GNAQ: variants seen among roughly 807,000 people sequenced by gnomAD.
GNAQ encodes the protein guanine nucleotide-binding protein G(q) subunit alpha.
A neutral mutation model predicts 43.9 loss-of-function variants in GNAQ; 8 were observed. The observed-to-expected ratio is 0.18, with a 90% CI of 0.11 to 0.33. The LOEUF is 0.33. Ranked by LOEUF, GNAQ falls within the 10% of genes least tolerant of loss-of-function variation. The pLI is 1.00. For synonymous variants in GNAQ, 155 were observed against 170.7 expected (o/e 0.91, Z 0.71); for missense variants, 158 against 450.8 (o/e 0.35, Z 5.88).
intron 3 of GNAQ, among the ~76,000 whole-genome samples, chr9:77,801,974 C>G (rs1173298020): frequency 6.6e-6 from 1 of 152,084 alleles, no homozygotes; most frequent in Non-Finnish European, 1.5e-5. Context: ...TGAGACCAGC[C>G]TGGACAACAT....
intron 2 of GNAQ, among the ~76,000 whole-genome samples, chr9:77,906,282 C>G (rs192704538): frequency 6.6e-6 from 1 of 152,004 alleles, no homozygotes; most frequent in East Asian, 1.9e-4. Flanking sequence ...CATCAGTATT[C>G]AAAAATGTAG....
intron 2 of GNAQ, among the ~76,000 whole-genome samples, chr9:77,819,567 T>C (rs192963197): frequency 6.6e-6 from 1 of 152,240 alleles, no homozygotes; most frequent in East Asian, 1.9e-4. Flanking sequence ...TGGAAGCTCT[T>C]AGACACAAAT....
intron 2 of GNAQ, among the ~76,000 whole-genome samples, chr9:77,908,038 T>C (rs1166458008): frequency 1.3e-5 from 2 of 152,170 alleles, no homozygotes; most frequent in African/African-American, 2.4e-5. Context: ...GGGGCAGGTA[T>C]TTTAAACATT....
chr9:77,954,270 C>G (rs566881786), intron 1 of GNAQ, among the ~76,000 whole-genome samples: 1 of 152,296 alleles, frequency 6.6e-6, no homozygotes, highest in South Asian at 2.1e-4. Context: ...CTAATTTGTT[C>G]AGCTCAACCA....
At chr9:77,765,348 C>A (rs1814044332) in intron 5 of GNAQ, among the ~76,000 whole-genome samples, 1 of 152,084 alleles carries the variant, frequency 6.6e-6, no homozygotes, top group Non-Finnish European at 1.5e-5. Flanking sequence ...AATAAAATAT[C>A]TGAAAGTTAC....
At chr9:77,860,617 G>A (rs143305614) in intron 2 of GNAQ, among the ~76,000 whole-genome samples, 27 of 152,240 alleles carry the variant, frequency 1.8e-4, no homozygotes, top group African/African-American at 5.5e-4. Flanking sequence ...ATCTGATGCC[G>A]CCACTGATCT....
intron 5 of GNAQ, among the ~76,000 whole-genome samples, chr9:77,762,699 G>C (rs1357833866): frequency 6.6e-6 from 1 of 151,992 alleles, no homozygotes; most frequent in Non-Finnish European, 1.5e-5. Context: ...GATGGTTGCC[G>C]TGTCTGTGTG....
At chr9:78,003,659 A>G (rs773341382) in intron 1 of GNAQ, among the ~76,000 whole-genome samples, 2 of 152,062 alleles carry the variant, frequency 1.3e-5, no homozygotes, top group Non-Finnish European at 2.9e-5. Context: ...TACTAAAAAT[A>G]CAAAAAATAA....
chr9:78,015,506 T>C (rs1382943350), intron 1 of GNAQ, among the ~76,000 whole-genome samples: 1 of 152,164 alleles, frequency 6.6e-6, no homozygotes, highest in Non-Finnish European at 1.5e-5. Flanking sequence ...ACACACAATA[T>C]AAGGAAGCAG....
Position 77,992,032 on chromosome 9 carries a change from T to C in GNAQ, c.136+39068A>G, listed in dbSNP as rs141154473. On this transcript the variant is annotated intron_variant, in intron 1 of 6. Coordinates refer to ENST00000286548, the MANE Select transcript of GNAQ (RefSeq NM_002072.5). ...CAAATTGTGCAGCTATAAGCATGCATGTACATGCATCTTTTTCATACAGTG... is the reference window on the plus strand; with the variant it reads ...CAAATTGTGCAGCTATAAGCATGCACGTACATGCATCTTTTTCATACAGTG... 4.0e-3 allele frequency among the ~76,000 whole-genome samples: 604 copies of C among 152,360 alleles called. 3 individuals are homozygous for C. The highest frequency in any genetic ancestry group is 7.2e-3 in the Non-Finnish European group (488 of 68,042).
chr9:77,926,227 T>A (rs1196519046), intron 1 of GNAQ, among the ~76,000 whole-genome samples: 1 of 152,212 alleles, frequency 6.6e-6, no homozygotes, highest in Non-Finnish European at 1.5e-5. Flanking sequence ...CTCCTATTTT[T>A]ATAGAATTAT....
intron 1 of GNAQ, among the ~76,000 whole-genome samples, chr9:77,984,799 A>C (rs1221162730): frequency 6.6e-6 from 1 of 151,952 alleles, no homozygotes; most frequent in Non-Finnish European, 1.5e-5. Flanking sequence ...AGAGAGAGAA[A>C]CTCCCTGATT....
chr9:77,730,771 A>T (rs1410746184), intron 5 of GNAQ, among the ~76,000 whole-genome samples: 1 of 152,204 alleles, frequency 6.6e-6, no homozygotes, highest in Non-Finnish European at 1.5e-5. Flanking sequence ...TAGTTCTCAT[A>T]GCCAGTGATA....
chr9:77,993,322 G>A (rs1358665860), intron 1 of GNAQ, among the ~76,000 whole-genome samples: 2 of 152,112 alleles, frequency 1.3e-5, no homozygotes, highest in South Asian at 2.1e-4. Flanking sequence ...TTTGTCTTCA[G>A]TATAAGTAAA....
chr9:78,007,191 G>A (rs1453169272), intron 1 of GNAQ, among the ~76,000 whole-genome samples: 1 of 151,812 alleles, frequency 6.6e-6, no homozygotes, highest in African/African-American at 2.4e-5. Flanking sequence ...ACAACCATTA[G>A]AGAAAAGGCA....
At chr9:77,744,941 G>C (rs1438730366) in intron 5 of GNAQ, among the ~76,000 whole-genome samples, 1 of 152,088 alleles carries the variant, frequency 6.6e-6, no homozygotes, top group Non-Finnish European at 1.5e-5. Flanking sequence ...AATAATTCAA[G>C]CCACAGATGT....
At chr9:77,986,227 A>T (rs1225743595) in intron 1 of GNAQ, among the ~76,000 whole-genome samples, 2 of 152,164 alleles carry the variant, frequency 1.3e-5, no homozygotes, top group Non-Finnish European at 2.9e-5. Context: ...CATCCAACAG[A>T]ATCCTGTTGC....
At chr9:77,786,673 G>A (rs976344911) in intron 5 of GNAQ, among the ~76,000 whole-genome samples, 4 of 152,128 alleles carry the variant, frequency 2.6e-5, no homozygotes, top group African/African-American at 9.7e-5. Context: ...TGGAACAGAC[G>A]GATAATGCCA....
At chr9:77,777,975 A>T (rs530205208) in intron 5 of GNAQ, among the ~76,000 whole-genome samples, 1 of 152,026 alleles carries the variant, frequency 6.6e-6, no homozygotes, top group Non-Finnish European at 1.5e-5. Context: ...GAATACACCC[A>T]AGAGAAGAGA....
Sources: gnomAD v4.1 joint callset for allele counts (sites outside exome capture counted in the v4.1 genomes callset) on GRCh38, gnomAD v4.1.1 for gene constraint, MANE v1.5 for transcripts, NCBI Gene and HGNC (gene_info 2026-07-23, HGNC 2026-07-21) for gene names.